The following KTN1 variants were observed in gnomAD, a reference collection of about 807,000 sequenced individuals.
KTN1 encodes kinectin 1, also known as kinectin.
A neutral mutation model predicts 222.5 loss-of-function variants in KTN1; 130 were observed. The observed-to-expected ratio is 0.58, with a 90% CI of 0.51 to 0.68. The LOEUF is 0.68. Ranked by LOEUF, KTN1 falls within the 30% of genes least tolerant of loss-of-function variation. The pLI, the probability that KTN1 is intolerant of heterozygous loss-of-function variation, is 0.00. For synonymous variants in KTN1, 512 were observed against 496.3 expected (o/e 1.03, Z -0.42); for missense variants, 1,508 against 1,500.4 (o/e 1.01, Z -0.08).
At chr14:55,671,275 G>A (rs1179530642) in intron 35 of KTN1, 1 of 343,270 alleles carries the variant, frequency 2.9e-6, no homozygotes. Context: ...TCTTTCCCAT[G>A]TGTGTAGCAT....
chr14:55,630,223 C>T (rs2140905175), intron 7 of KTN1, 126 bp downstream of exon 7: 1 of 816,394 alleles, frequency 1.2e-6, no homozygotes. Context: ...GTGAAGTTCA[C>T]TCTGCGTCCT....
intron 43 of KTN1, chr14:55,682,072 A>G (rs2046420861): frequency 6.6e-6 from 1 of 152,208 alleles, no homozygotes; most frequent in Admixed American, 6.5e-5. Context: ...GTTTATGATA[A>G]TGCTGCACAT....
At chr14:55,663,828 T>C in intron 32 of KTN1, 127 bp from the exon 33 acceptor site, 2 of 617,964 alleles carry the variant, frequency 3.2e-6, no homozygotes, top group South Asian at 4.5e-5. Flanking sequence ...CTAATATGCA[T>C]ATTTTCCCAT....
intron 12 of KTN1, among the ~76,000 whole-genome samples, chr14:55,638,826 A>G (rs1192643180): frequency 6.6e-6 from 1 of 151,844 alleles, no homozygotes; most frequent in Non-Finnish European, 1.5e-5. Context: ...TTAGTCATGG[A>G]ATGGATAATT....
At chr14:55,611,712 A>G (rs77555779) in intron 1 of KTN1, among the ~76,000 whole-genome samples, 9,208 of 152,284 alleles carry the variant, frequency 0.06, 385 homozygotes, top group South Asian at 0.09. Flanking sequence ...CCAAAAGTGG[A>G]TATTTCGGGA....
At position 55,663,942 on chromosome 14, in the gene KTN1, TA is replaced by T. The variant is rs1427257894; in HGVS notation, c.3091-8del. 1 of 1,586,960 alleles carries T rather than the reference TA, an allele frequency of 6.3e-7. No homozygotes were observed. The highest frequency in any genetic ancestry group is 1.1e-5 in the South Asian group (1 of 89,658). On this transcript the variant is annotated splice_polypyrimidine_tract_variant and intron_variant, in intron 32 of 43. Transcript: ENST00000395314. ...ATGGATAAACTGAAATCATTCTTTC[TA>T]AAAATGATTAGGACCTTCGGGAGAA...
At position 55,637,354 on chromosome 14, in the gene KTN1, T is replaced by G. The variant is rs146129983; in HGVS notation, c.1706T>G (p.Met569Arg). ...KRVNKEESLQ[M>R]QVQDILEQNE... ...GTGAACAAAGAAGAGTCTCTACAAA[T>G]GCAGGTTCAGGTATTTTTTCTTCTT... Residue 569 changes from methionine to arginine, a missense_variant, in exon 11 of 44, where the codon ATG becomes AGG. Met to Arg is a moderately conservative substitution (Grantham distance 91, BLOSUM62 -1). Coordinates refer to ENST00000395314, the MANE Select transcript of KTN1 (RefSeq NM_001079521.2). The G allele has an allele frequency of 6.4e-7, 1 of 1,554,294 alleles. No individual in the cohort carries two copies. Among genetic ancestry groups the G allele is most frequent in the African/African-American group, 1.4e-5 (1 of 71,526 alleles).
At position 55,596,770 on chromosome 14, in the gene KTN1, A is replaced by G. The variant is rs139735783; in HGVS notation, c.-30-15249A>G. On this transcript the variant is annotated intron_variant, in intron 1 of 43. Coordinates refer to ENST00000395314, the MANE Select transcript of KTN1 (RefSeq NM_001079521.2). ...CACTAATTTTTTGCTTAGGTTTCCTATTATTGCGAGTGATGTCAAAAGAAT... is the reference window on the plus strand; with the variant it reads ...CACTAATTTTTTGCTTAGGTTTCCTGTTATTGCGAGTGATGTCAAAAGAAT... Among the ~76,000 whole-genome samples the G allele has an allele frequency of 4.1e-3, 619 of 151,158 alleles. 3 individuals are homozygous for G. Among genetic ancestry groups the G allele is most frequent in the African/African-American group, 0.014 (590 of 41,272 alleles).
At chr14:55,594,100 G>A (rs913877176) in intron 1 of KTN1, among the ~76,000 whole-genome samples, 1 of 151,994 alleles carries the variant, frequency 6.6e-6, no homozygotes, top group Non-Finnish European at 1.5e-5. Flanking sequence ...TTTTATATTC[G>A]TGCAAAAGGT....
chr14:55,652,484 C>T (rs1195282376), intron 25 of KTN1, among the ~76,000 whole-genome samples: 1 of 150,988 alleles, frequency 6.6e-6, no homozygotes, highest in African/African-American at 2.4e-5. Flanking sequence ...CTGCAACCTC[C>T]ACCTCCCGGG....
intron 14 of KTN1, 80 bp downstream of exon 14, chr14:55,640,083 G>A (rs1402921480): frequency 3.5e-6 from 3 of 859,556 alleles, no homozygotes; most frequent in African/African-American, 3.4e-5. Context: ...ATCAGTAAGT[G>A]TATATGAAAA....
intron 1 of KTN1, among the ~76,000 whole-genome samples, chr14:55,593,259 G>T (rs2034446555): frequency 6.6e-6 from 1 of 151,794 alleles, no homozygotes; most frequent in Non-Finnish European, 1.5e-5. Context: ...AAAACATCTG[G>T]TGTGAATTCG....
In KTN1 at chr14:55,659,608, A is replaced by G. The variant is rs148454341; in HGVS notation, c.2962-58A>G. 4.8e-4 allele frequency: 482 copies of G among 1,005,546 alleles called. 3 individuals are homozygous for G. The African/African-American group carries it at 5.0e-3, about 10-fold the overall frequency. The allele number at this position is 1,005,546 out of a possible 1,614,324, so 62.3% of individuals were successfully genotyped here. On this transcript the variant is annotated intron_variant, in intron 30 of 43. Coordinates refer to ENST00000395314, the MANE Select transcript of KTN1 (RefSeq NM_001079521.2). ...TAATTTATATTTGAGAAAAGCTTCA[A>G]TGTTTTTAAGTCTCCTGAAAAGTTT...
chr14:55,658,844 T>C (rs1052780612), intron 30 of KTN1, among the ~76,000 whole-genome samples: 1 of 152,222 alleles, frequency 6.6e-6, no homozygotes, highest in Non-Finnish European at 1.5e-5. Flanking sequence ...CAGCTCTGTT[T>C]TGTATTCATG....
chr14:55,612,581 T>G lies in KTN1; in HGVS notation c.523+10T>G. 1.9e-6 allele frequency: 3 copies of G among 1,543,498 alleles called. No homozygotes were observed. The highest frequency in any genetic ancestry group is 2.6e-6 in the Non-Finnish European group (3 of 1,150,578). On this transcript the variant is annotated intron_variant, in intron 2 of 43. Transcript: ENST00000395314. The stretch of plus-strand genomic sequence containing the variant: ...TCTAAAAATGGAAGCGGTATTGTAA[T>G]CTATTTAATCTATTTAATTTTATTG...
intron 20 of KTN1, 81 bp downstream of exon 20, chr14:55,648,196 T>C (rs895083117): frequency 4.6e-6 from 3 of 654,616 alleles, no homozygotes; most frequent in Non-Finnish European, 7.7e-6. Flanking sequence ...GTAAGGTTTT[T>C]CCCATAGATC....
At chr14:55,657,050 T>C (rs1189467188) in intron 29 of KTN1, among the ~76,000 whole-genome samples, 3 of 152,020 alleles carry the variant, frequency 2.0e-5, no homozygotes, top group Non-Finnish European at 4.4e-5. Context: ...TGTAGATGCC[T>C]ACATTGTCTT....
At position 55,587,564 on chromosome 14, in the gene KTN1, T is replaced by C. The variant is rs576970675; in HGVS notation, c.-31+7210T>C. 1.6e-3 allele frequency among the ~76,000 whole-genome samples: 237 copies of C among 152,296 alleles called. 2 individuals carry two copies. In the South Asian group the frequency reaches 0.019, roughly 12 times the overall value. ...TGAAGATGTTGCCTTAAATCTGTAA[T>C]ATCCACACAGGTTGAATTCACTTAC... is the stretch of plus-strand genomic sequence containing the variant. On this transcript the variant is annotated intron_variant, in intron 1 of 43. Coordinates refer to ENST00000395314, the MANE Select transcript of KTN1 (RefSeq NM_001079521.2).
rs373013675 is a variant in KTN1 at position 55,580,611 on chromosome 14, C to A, written c.-31+257C>A. Among the ~76,000 whole-genome samples the A allele has an allele frequency of 5.9e-4, 89 of 151,924 alleles. No individual in the cohort carries two copies. The East Asian group carries it at 9.8e-3, about 17-fold the overall frequency. On this transcript the variant is annotated intron_variant, in intron 1 of 43. Transcript: ENST00000395314. ...CCTCGCGGGGCCGCTCTGGGCCCGA[C>A]CCCGGCTCTGTCGCGGCACCCGGGG...
Sources: allele counts gnomAD v4.1 joint callset (sites outside exome capture counted in the v4.1 genomes callset), GRCh38; gene constraint gnomAD v4.1.1; transcripts MANE v1.5; gene names NCBI Gene and HGNC (gene_info 2026-07-23, HGNC 2026-07-21).